The following PHC3 variants were observed in gnomAD, a reference collection of about 807,000 sequenced individuals.
PHC3 encodes the protein polyhomeotic homolog 3, also known as polyhomeotic-like protein 3.
A neutral mutation model predicts 107.4 loss-of-function variants in PHC3; 13 were observed. The ratio of observed to expected loss-of-function variants is 0.12; its 90% CI spans 0.08 to 0.19. The LOEUF is 0.19. PHC3 is among the 10% of genes least tolerant of loss of function. The pLI, the probability that PHC3 is intolerant of heterozygous loss-of-function variation, is 1.00. For missense variants in PHC3, 992 were observed against 1,210.9 expected (o/e 0.82, Z 2.68); for synonymous variants, 456 against 427.4 (o/e 1.07, Z -0.83).
chr3:170,101,184 CAT>C (rs945378457), intron 14 of PHC3, among the ~76,000 whole-genome samples: 1 of 152,204 alleles, frequency 6.6e-6, no homozygotes, highest in Non-Finnish European at 1.5e-5. Flanking sequence ...GGCACATGCA[CAT>C]GTTTAAAAAT....
chr3:170,112,281 G>A (rs1189802082), intron 11 of PHC3, among the ~76,000 whole-genome samples: 4 of 151,760 alleles, frequency 2.6e-5, no homozygotes, highest in Non-Finnish European at 5.9e-5. Flanking sequence ...CACAATTTCG[G>A]CTCACTGCAA....
chr3:170,180,613 T>C (rs1455768505), intron 1 of PHC3, among the ~76,000 whole-genome samples: 3 of 149,798 alleles, frequency 2.0e-5, no homozygotes, highest in Admixed American at 6.7e-5. Flanking sequence ...CACAGCATCA[T>C]ATGGTAACTG....
intron 7 of PHC3, among the ~76,000 whole-genome samples, chr3:170,134,585 A>C (rs1241330948): frequency 6.6e-6 from 1 of 152,194 alleles, no homozygotes; most frequent in African/African-American, 2.4e-5. Context: ...ATTAGTACCA[A>C]TAAGAAAGAC....
Position 170,176,141 on chromosome 3 carries a change from G to A in PHC3, c.180+2632C>T, listed in dbSNP as rs561571328. On this transcript the variant is annotated intron_variant, in intron 2 of 14. Coordinates refer to ENST00000495893, the MANE Select transcript of PHC3 (RefSeq NM_024947.4). The stretch of plus-strand genomic sequence containing the variant: ...TTCTGGAGGCTGAAGCAGGAGAATC[G>A]CTTGAACCTGGGAGGCAGAGGTTGC... Among the ~76,000 whole-genome samples, 13 of 149,082 alleles carry A rather than the reference G, an allele frequency of 8.7e-5. No individual in the cohort carries two copies. The South Asian group carries it at 2.5e-3, about 29-fold the overall frequency.
chr3:170,162,003 T>C (rs1430730593), intron 4 of PHC3, among the ~76,000 whole-genome samples: 2 of 152,238 alleles, frequency 1.3e-5, no homozygotes, highest in African/African-American at 2.4e-5. Context: ...TTCTCTTTGA[T>C]ACAGATCCAA....
Position 170,115,464 on chromosome 3 carries a change from T to A in PHC3, c.2193+1762A>T, listed in dbSNP as rs374351447. 2.6e-5 allele frequency among the ~76,000 whole-genome samples: 4 copies of A among 152,136 alleles called. No individual in the cohort carries two copies. The East Asian group carries it at 7.7e-4, about 29-fold the overall frequency. On this transcript the variant is annotated intron_variant, in intron 10 of 14. Coordinates refer to ENST00000495893, the MANE Select transcript of PHC3 (RefSeq NM_024947.4). ...ATATGTACATATATACCACAATACA[T>A]ATGTATACACATATACATACTGTGG...
intron 7 of PHC3, among the ~76,000 whole-genome samples, chr3:170,135,450 C>G (rs1232791055): frequency 7.1e-6 from 1 of 141,066 alleles, no homozygotes; most frequent in Non-Finnish European, 1.6e-5. Context: ...TGCACCCGCC[C>G]AGATTTTTTT....
rs1178846219 is a variant in PHC3, at chr3:170,089,914, C to CAAAAAAA, written c.*7309_*7315dup. ...CCTGGGCAACAGAGCGAACCCATCT[C>CAAAAAAA]AAAAAAAAAAAAAAGAAAAAAAAAA... On this transcript the variant is annotated 3_prime_UTR_variant, in exon 15 of 15. Transcript: ENST00000495893. The CAAAAAAA allele has an allele frequency of 4.6e-5, 2 of 43,610 alleles. No homozygotes were observed. The highest frequency in any genetic ancestry group is 5.3e-5 in the Non-Finnish European group (1 of 19,010). 2.7% of individuals were successfully genotyped at this position (43,610 alleles called of 1,614,324 possible). A position where few individuals can be genotyped will look rare whatever the true frequency, so the allele number is the denominator to read the frequency against.
At chr3:170,178,624 G>T in intron 2 of PHC3, 149 bp downstream of exon 2, 2 of 856,804 alleles carry the variant, frequency 2.3e-6, no homozygotes, top group Non-Finnish European at 3.8e-6. Flanking sequence ...TTCTGCTATA[G>T]CCACACAAAA....
In PHC3 at chr3:170,090,403, C is replaced by G. The variant is rs541592368; in HGVS notation, c.*6827G>C. ...CATGTCATGTTCACCAAACACTGCA[C>G]ATGTAAGTGTTCAAATAGTTTGCTA... On this transcript the variant is annotated 3_prime_UTR_variant, in exon 15 of 15. Transcript: ENST00000495893. 11 of 152,236 alleles carry G rather than the reference C, an allele frequency of 7.2e-5. 1 individual carries two copies. The highest frequency in any genetic ancestry group is 6.2e-4 in the South Asian group (3 of 4,824). The allele number at this position is 152,236 out of a possible 1,614,324, so 9.4% of individuals were successfully genotyped here.
chr3:170,113,243 G>T, intron 11 of PHC3, 117 bp downstream of exon 11: 1 of 967,828 alleles, frequency 1.0e-6, no homozygotes, highest in Non-Finnish European at 1.4e-6. Flanking sequence ...TGCATTATAT[G>T]AAAATAAAAG....
chr3:170,102,469 A>G lies in PHC3; in HGVS notation c.2833+10T>C. On this transcript the variant is annotated intron_variant, in intron 14 of 14. Transcript: ENST00000495893. ...GAAAAATATTAAGGCCAAAGTGATG[A>G]ATTACATACCAGGCAAAGAATGGAT... 6.2e-7 allele frequency: 1 copy of G among 1,611,616 alleles called. No individual in the cohort carries two copies. The highest frequency in any genetic ancestry group is 8.5e-7 in the Non-Finnish European group (1 of 1,178,760).
chr3:170,097,196 A>C lies in PHC3; in HGVS notation c.*34T>G. On this transcript the variant is annotated 3_prime_UTR_variant, in exon 15 of 15. Transcript: ENST00000495893. This position sits in a 1 kb window ranked among gnomAD's most constrained non-coding sequence, Gnocchi z 4.1. ...CCTTACAAGTTTTTGTGAGAAAAGT[A>C]AAACTGCTGTTTTATCAAGGCTTCA... 2 of 1,563,936 alleles carry C rather than the reference A, an allele frequency of 1.3e-6. No homozygotes were observed. The highest frequency in any genetic ancestry group is 1.7e-6 in the Non-Finnish European group (2 of 1,147,370).
intron 1 of PHC3, among the ~76,000 whole-genome samples, chr3:170,180,610 T>C (rs1377149577): frequency 6.7e-6 from 1 of 149,380 alleles, no homozygotes; most frequent in Non-Finnish European, 1.5e-5. Context: ...AATCACAGCA[T>C]CATATGGTAA....
rs754257587 is a variant in PHC3 at position 170,181,675 on chromosome 3, G to C, written c.14+27C>G. The C allele has an allele frequency of 4.7e-5, 76 of 1,613,038 alleles. No homozygotes were observed. The highest frequency in any genetic ancestry group is 6.3e-5 in the Non-Finnish European group (74 of 1,179,640). On this transcript the variant is annotated intron_variant, in intron 1 of 14. Transcript: ENST00000495893. Reference sequence around the variant, plus strand: ...GCCCCAACTCGCCCCCCCTAGTTACGACATCAGTCACCATCTAGTCACTCA... The same window carrying C: ...GCCCCAACTCGCCCCCCCTAGTTACCACATCAGTCACCATCTAGTCACTCA...
chr3:170,145,668 A>C, intron 5 of PHC3, 147 bp from the exon 6 acceptor site: 1 of 477,034 alleles, frequency 2.1e-6, no homozygotes, highest in Non-Finnish European at 3.7e-6. Context: ...CTACATGACA[A>C]AGAGAAGTTT....
chr3:170,129,594 T>C, intron 7 of PHC3, 42 bp from the exon 8 acceptor site: 1 of 1,532,972 alleles, frequency 6.5e-7, no homozygotes, highest in South Asian at 1.3e-5. Flanking sequence ...ATTTCAAAAA[T>C]ACAGAAATTT....
At position 170,174,439 on chromosome 3, in the gene PHC3, A is replaced by G. The variant is rs144416547; in HGVS notation, c.181-1727T>C. 3.5e-3 allele frequency among the ~76,000 whole-genome samples: 535 copies of G among 152,304 alleles called. 5 individuals are homozygous for G. Among genetic ancestry groups the G allele is most frequent in the African/African-American group, 0.012 (497 of 41,566 alleles). Reference sequence around the variant, plus strand: ...TATAGAAAAGTCAAGTACTCTACTAAAATCAGAGAAAATTCTTACATTTCT... The same window carrying G: ...TATAGAAAAGTCAAGTACTCTACTAGAATCAGAGAAAATTCTTACATTTCT... On this transcript the variant is annotated intron_variant, in intron 2 of 14. Transcript: ENST00000495893.
rs1248254624 is a variant in PHC3, at chr3:170,096,298, A to G, written c.*932T>C. On this transcript the variant is annotated 3_prime_UTR_variant, in exon 15 of 15. Transcript: ENST00000495893. ...TATGTTTAGTAAGCTTCATCCTTTA[A>G]AAGTATTCCTTTGGGTGAAAACAAT... 3 of 152,160 alleles carry G rather than the reference A, an allele frequency of 2.0e-5. No individual in the cohort carries two copies. The highest frequency in any genetic ancestry group is 4.4e-5 in the Non-Finnish European group (3 of 68,016). The allele number at this position is 152,160 out of a possible 1,614,324, so 9.4% of individuals were successfully genotyped here. A position where few individuals can be genotyped will look rare whatever the true frequency, so the allele number is the denominator to read the frequency against.
Sources: allele counts gnomAD v4.1 joint callset (sites outside exome capture counted in the v4.1 genomes callset), GRCh38; gene constraint gnomAD v4.1.1; non-coding constraint Gnocchi (gnomAD v3.1); transcripts MANE v1.5; gene names NCBI Gene and HGNC (gene_info 2026-07-23, HGNC 2026-07-21).